The following TNNI3K variants were observed in gnomAD, a reference collection of about 807,000 sequenced individuals.
The protein encoded by TNNI3K is TNNI3 interacting kinase.
Under a neutral mutation model 114.5 loss-of-function variants are expected in TNNI3K, and 140 were observed. That is an observed-to-expected ratio of 1.22 (90% confidence interval 1.07 to 1.41). The LOEUF is 1.41. Ranked by LOEUF, TNNI3K falls within the 40% of genes most tolerant of loss-of-function variation. The pLI is 0.00. For synonymous variants in TNNI3K, 347 were observed against 347.5 expected, an observed-to-expected ratio of 1.00 and a Z score of 0.02; for missense variants, 1,125 against 1,007.6, an observed-to-expected ratio of 1.12 and a Z score of -1.58.
Position 74,377,717 on chromosome 1 carries a change from G to A in TNNI3K, c.1772+7325G>A, listed in dbSNP as rs1019806143. Among the ~76,000 whole-genome samples the A allele has an allele frequency of 2.4e-4, 36 of 151,876 alleles. 1 individual carries two copies. The highest frequency in any genetic ancestry group is 3.4e-3 in the Middle Eastern group (1 of 294). On this transcript the variant is annotated intron_variant, in intron 17 of 24. Coordinates refer to ENST00000326637, the MANE Select transcript of TNNI3K (RefSeq NM_015978.3). ...TATTAAAACTTTTATTTCTGTTTCG[G>A]CTATCTGTGTAGATTCTACACTCCT...
At chr1:74,495,154 G>C (rs1436123603) in intron 23 of TNNI3K, among the ~76,000 whole-genome samples, 3 of 152,098 alleles carry the variant, frequency 2.0e-5, no homozygotes, top group Non-Finnish European at 4.4e-5. Flanking sequence ...ACTCTGATAA[G>C]GGTGTATCTG....
intron 20 of TNNI3K, among the ~76,000 whole-genome samples, chr1:74,451,108 A>T (rs910909129): frequency 3.3e-5 from 5 of 152,322 alleles, no homozygotes; most frequent in Middle Eastern, 3.4e-3. Context: ...AGGGACATGG[A>T]TGCTGGAAGC....
chr1:74,271,742 G>T, intron 5 of TNNI3K, 34 bp downstream of exon 5: 2 of 1,550,772 alleles, frequency 1.3e-6, no homozygotes, highest in Non-Finnish European at 1.8e-6. Context: ...TGAAAACAAA[G>T]GTTATTTACC....
intron 21 of TNNI3K, chr1:74,469,659 A>G (rs1284168323): frequency 8.1e-6 from 3 of 371,878 alleles, no homozygotes; most frequent in Non-Finnish European, 1.4e-5. Context: ...TTAGAGAAGC[A>G]TACTCAGTTA....
intron 5 of TNNI3K, among the ~76,000 whole-genome samples, chr1:74,326,117 A>C (rs996944646): frequency 6.6e-6 from 1 of 152,216 alleles, no homozygotes; most frequent in African/African-American, 2.4e-5. Context: ...CAAAGAAATA[A>C]TAGAAAATAA....
intron 17 of TNNI3K, among the ~76,000 whole-genome samples, chr1:74,417,423 C>A (rs2100625913): frequency 6.6e-6 from 1 of 152,096 alleles, no homozygotes; most frequent in East Asian, 1.9e-4. Flanking sequence ...CAAGACTTCC[C>A]ATTGGCCTGG....
Position 74,335,690 on chromosome 1 carries a change from C to T in TNNI3K, c.544-321C>T, listed in dbSNP as rs187288158. ...AATTTCTATATTTAAAAAATGGTCG[C>T]TTGTTCCAAAAGGTAGAGGTCATCT... On this transcript the variant is annotated intron_variant, in intron 6 of 24. Coordinates refer to ENST00000326637, the MANE Select transcript of TNNI3K (RefSeq NM_015978.3). 1.1e-4 allele frequency among the ~76,000 whole-genome samples: 16 copies of T among 152,206 alleles called. No individual in the cohort carries two copies. In the East Asian group the frequency reaches 2.3e-3, roughly 22 times the overall value.
chr1:74,444,897 C>A lies in TNNI3K; in HGVS notation c.2011+5275C>A, dbSNP rs567831903. Among the ~76,000 whole-genome samples, 5 of 151,444 alleles carry A rather than the reference C, an allele frequency of 3.3e-5. No individual in the cohort carries two copies. The East Asian group carries it at 7.7e-4, about 23-fold the overall frequency. ...AGACCACACATTTACACATCTATAA[C>A]CATCTGATCTTTGACAAACCTAACA... On this transcript the variant is annotated intron_variant, in intron 20 of 24. Transcript: ENST00000326637.
intron 20 of TNNI3K, among the ~76,000 whole-genome samples, chr1:74,443,155 C>T (rs892993376): frequency 2.6e-5 from 4 of 151,832 alleles, no homozygotes; most frequent in African/African-American, 9.7e-5. Flanking sequence ...AAAGAAATAA[C>T]CTACATCAGA....
At chr1:74,444,295 C>T (rs1305726088) in intron 20 of TNNI3K, among the ~76,000 whole-genome samples, 1 of 151,970 alleles carries the variant, frequency 6.6e-6, no homozygotes, top group Non-Finnish European at 1.5e-5. Context: ...TTGTCTCAGT[C>T]CTTAAAAACC....
intron 5 of TNNI3K, among the ~76,000 whole-genome samples, chr1:74,288,109 G>A (rs923410179): frequency 2.0e-5 from 3 of 152,144 alleles, no homozygotes; most frequent in Admixed American, 1.3e-4. Context: ...ACAAGAATAT[G>A]CAGAAAAGTG....
intron 5 of TNNI3K, among the ~76,000 whole-genome samples, chr1:74,295,173 TA>T (rs1159429883): frequency 9.8e-4 from 3 of 3,056 alleles, no homozygotes; most frequent in Non-Finnish European, 9.4e-3. Flanking sequence ...TGACAGTTAC[TA>T]ATTATTTTTT....
intron 2 of TNNI3K, among the ~76,000 whole-genome samples, chr1:74,242,889 CCTT>C (rs968806250): frequency 1.3e-5 from 2 of 152,002 alleles, no homozygotes; most frequent in African/African-American, 4.8e-5. Flanking sequence ...TTCTCCCTCT[CCTT>C]CTCCATCTGT....
chr1:74,255,685 T>A (rs1655243524), intron 4 of TNNI3K, among the ~76,000 whole-genome samples: 1 of 152,206 alleles, frequency 6.6e-6, no homozygotes, highest in Admixed American at 6.5e-5. Flanking sequence ...TCTACAATTG[T>A]TAGCTTTTGA....
intron 23 of TNNI3K, among the ~76,000 whole-genome samples, chr1:74,516,518 T>C (rs76578915): frequency 0.01 from 1,569 of 152,234 alleles, 35 homozygotes; most frequent in African/African-American, 0.036. Context: ...AAGAAGTTCA[T>C]TGTGTGTAGA....
chr1:74,288,805 T>C (rs1323038967), intron 5 of TNNI3K, among the ~76,000 whole-genome samples: 1 of 152,110 alleles, frequency 6.6e-6, no homozygotes, highest in Non-Finnish European at 1.5e-5. Context: ...AGGTGATGGA[T>C]ATGATCATTA....
At chr1:74,470,023 G>A (rs1667847944) in intron 21 of TNNI3K, 1 of 400,530 alleles carries the variant, frequency 2.5e-6, no homozygotes, top group Admixed American at 4.4e-5. Context: ...TTTTAACCCT[G>A]GTAAGAAGGA....
At chr1:74,279,924 G>A (rs1368411884) in intron 5 of TNNI3K, among the ~76,000 whole-genome samples, 1 of 152,110 alleles carries the variant, frequency 6.6e-6, no homozygotes, top group Non-Finnish European at 1.5e-5. Context: ...TGAAAAATGG[G>A]CTGAGAAAGA....
intron 2 of TNNI3K, among the ~76,000 whole-genome samples, chr1:74,237,668 G>A (rs1243374942): frequency 6.6e-6 from 1 of 151,890 alleles, no homozygotes; most frequent in Non-Finnish European, 1.5e-5. Flanking sequence ...CTGCTATAAT[G>A]GACTTTTCCT....
Sources: allele counts gnomAD v4.1 joint callset (sites outside exome capture counted in the v4.1 genomes callset), GRCh38; gene constraint gnomAD v4.1.1; transcripts MANE v1.5; gene names NCBI Gene and HGNC (gene_info 2026-07-23, HGNC 2026-07-21).